Variants in MDGA2 observed in about 807,000 individuals in gnomAD.
The protein encoded by MDGA2 is MAM domain-containing glycosylphosphatidylinositol anchor protein 2.
Under a neutral mutation model 117.8 loss-of-function variants are expected in MDGA2, and 40 were observed. The ratio of observed to expected loss-of-function variants is 0.34; its 90% CI spans 0.26 to 0.44. The LOEUF is 0.44. MDGA2 is among the 20% of genes least tolerant of loss of function. The pLI is 1.00. For synonymous variants in MDGA2, 452 were observed against 439.0 expected (o/e 1.03, Z -0.37); for missense variants, 1,123 against 1,250.6 (o/e 0.90, Z 1.54).
chr14:46,845,186 CTGA>C (rs1880783369), intron 16 of MDGA2, among the ~76,000 whole-genome samples: 1 of 152,108 alleles, frequency 6.6e-6, no homozygotes, highest in African/African-American at 2.4e-5. Flanking sequence ...CCCGGCCGAT[CTGA>C]TGATTTTATA....
chr14:47,342,617 ATT>A (rs1420613914), intron 1 of MDGA2, among the ~76,000 whole-genome samples: 1 of 152,142 alleles, frequency 6.6e-6, no homozygotes, highest in Non-Finnish European at 1.5e-5. Context: ...GCAGCTATAT[ATT>A]TTACTAAGAA....
chr14:47,180,610 T>A (rs1884661988), intron 3 of MDGA2, among the ~76,000 whole-genome samples: 1 of 151,778 alleles, frequency 6.6e-6, no homozygotes, highest in Admixed American at 6.6e-5. Context: ...GAAATGCAAA[T>A]CAAAATTACA....
At chr14:47,336,878 C>T (rs775136939) in intron 1 of MDGA2, among the ~76,000 whole-genome samples, 10 of 151,870 alleles carry the variant, frequency 6.6e-5, no homozygotes, top group African/African-American at 4.8e-5. Context: ...ATTTTTTCCA[C>T]AGTACCCAGC....
At chr14:47,202,618 C>G (rs1885549063) in intron 3 of MDGA2, among the ~76,000 whole-genome samples, 1 of 152,178 alleles carries the variant, frequency 6.6e-6, no homozygotes, top group Admixed American at 6.5e-5. Flanking sequence ...CAGGCCCTGA[C>G]TAATTTTATC....
intron 1 of MDGA2, among the ~76,000 whole-genome samples, chr14:47,599,313 G>GTT (rs559603496): frequency 3.6e-4 from 51 of 142,170 alleles, no homozygotes; most frequent in African/African-American, 1.2e-3. Context: ...GACAAATGCT[G>GTT]TTTTTTTTTT....
At chr14:46,922,022 T>C (rs909483790) in intron 9 of MDGA2, among the ~76,000 whole-genome samples, 1 of 151,868 alleles carries the variant, frequency 6.6e-6, no homozygotes, top group Non-Finnish European at 1.5e-5. Context: ...CCATTCTTAA[T>C]AAAATAAACA....
intron 1 of MDGA2, among the ~76,000 whole-genome samples, chr14:47,409,595 T>C (rs1233601979): frequency 6.6e-6 from 1 of 152,072 alleles, no homozygotes; most frequent in African/African-American, 2.4e-5. Flanking sequence ...ATCAGTACTG[T>C]AGGTACAGTT....
intron 5 of MDGA2, among the ~76,000 whole-genome samples, chr14:47,130,685 C>G (rs889580935): frequency 6.4e-4 from 97 of 152,148 alleles, no homozygotes; most frequent in African/African-American, 2.3e-3. Context: ...TTATACGTAT[C>G]CACTCATTAA....
At chr14:47,202,214 C>T (rs993123755) in intron 3 of MDGA2, among the ~76,000 whole-genome samples, 4 of 152,072 alleles carry the variant, frequency 2.6e-5, no homozygotes, top group Non-Finnish European at 4.4e-5. Flanking sequence ...ATAGCAAGTA[C>T]TTGATTAATG....
At chr14:47,664,470 A>C (rs954894358) in intron 1 of MDGA2, among the ~76,000 whole-genome samples, 12 of 152,164 alleles carry the variant, frequency 7.9e-5, no homozygotes, top group Admixed American at 5.9e-4. Context: ...ATAGTTTCTT[A>C]TTCTTGCTAA....
At chr14:47,314,898 C>T (rs548629518) in intron 1 of MDGA2, among the ~76,000 whole-genome samples, 1 of 152,096 alleles carries the variant, frequency 6.6e-6, no homozygotes, top group South Asian at 2.1e-4. Flanking sequence ...TAATATATTG[C>T]TAAGAATAAT....
chr14:47,568,317 A>G (rs1465010859), intron 1 of MDGA2, among the ~76,000 whole-genome samples: 1 of 152,212 alleles, frequency 6.6e-6, no homozygotes, highest in African/African-American at 2.4e-5. Flanking sequence ...TTAATATAAC[A>G]TATAAAACTT....
chr14:47,132,534 AAG>A (rs1174485037), intron 4 of MDGA2, among the ~76,000 whole-genome samples: 1 of 151,910 alleles, frequency 6.6e-6, no homozygotes, highest in African/African-American at 2.4e-5. Flanking sequence ...AAGTGGCCAG[AAG>A]TATCTAACAA....
intron 2 of MDGA2, among the ~76,000 whole-genome samples, chr14:47,249,710 AT>A (rs1279031576): frequency 1.3e-5 from 2 of 151,358 alleles, no homozygotes; most frequent in East Asian, 3.9e-4. Context: ...TTTAGGCTAC[AT>A]TTTTTTTTAG....
chr14:47,220,255 G>A (rs558130128), intron 2 of MDGA2, among the ~76,000 whole-genome samples: 1 of 152,112 alleles, frequency 6.6e-6, no homozygotes, highest in East Asian at 1.9e-4. Context: ...TACATACTCC[G>A]ATAAAAGTTG....
chr14:47,493,683 G>A (rs552783699), intron 1 of MDGA2, among the ~76,000 whole-genome samples: 5 of 151,996 alleles, frequency 3.3e-5, no homozygotes, highest in Admixed American at 1.3e-4. Flanking sequence ...AGTAACTATC[G>A]AATACTTTTA....
chr14:46,868,002 T>C (rs1426632396), intron 14 of MDGA2, among the ~76,000 whole-genome samples: 2 of 152,068 alleles, frequency 1.3e-5, no homozygotes, highest in Non-Finnish European at 1.5e-5. Context: ...ATACTTTCAA[T>C]TCCCTTGTTT....
intron 3 of MDGA2, among the ~76,000 whole-genome samples, chr14:47,151,376 A>C (rs1348064202): frequency 6.6e-6 from 1 of 152,202 alleles, no homozygotes; most frequent in East Asian, 1.9e-4. Flanking sequence ...GAGAGCCAAC[A>C]TCTTCCAACG....
At chr14:46,927,977 T>C (rs1043592141) in intron 9 of MDGA2, among the ~76,000 whole-genome samples, 1 of 152,160 alleles carries the variant, frequency 6.6e-6, no homozygotes, top group South Asian at 2.1e-4. Flanking sequence ...TATTGATACA[T>C]TGTCAGTCTT....
Sources: allele counts gnomAD v4.1 joint callset (sites outside exome capture counted in the v4.1 genomes callset), GRCh38; gene constraint gnomAD v4.1.1; transcripts MANE v1.5; gene names NCBI Gene and HGNC (gene_info 2026-07-23, HGNC 2026-07-21).